NUFIP1: variants seen among roughly 807,000 people sequenced by gnomAD.
NUFIP1 encodes the protein FMR1-interacting protein NUFIP1.
Under a neutral mutation model 56.2 loss-of-function variants are expected in NUFIP1, and 38 were observed. That is an observed-to-expected ratio of 0.68 (90% CI 0.52 to 0.89). The LOEUF is 0.89. Ranked by LOEUF, NUFIP1 falls within the 40% of genes least tolerant of loss-of-function variation. The pLI is 0.00. For synonymous variants in NUFIP1, 215 were observed against 212.4 expected (o/e 1.01, Z -0.10); for missense variants, 567 against 605.8 (o/e 0.94, Z 0.67).
At position 44,985,638 on chromosome 13, in the gene NUFIP1, T is replaced by C. The variant is rs531724838; in HGVS notation, c.412+3387A>G. Among the ~76,000 whole-genome samples, 834 of 152,326 alleles carry C rather than the reference T, an allele frequency of 5.5e-3. 5 individuals are homozygous for C. Among genetic ancestry groups the C allele is most frequent in the Non-Finnish European group, 8.8e-3 (601 of 68,020 alleles). ...TGTGATCAGTGATCTTTGATGCTAC[T>C]ACTGTAATTGTTTTGAGACACCATG... On this transcript the variant is annotated intron_variant, in intron 1 of 9. Coordinates refer to ENST00000379161, the MANE Select transcript of NUFIP1 (RefSeq NM_012345.3).
chr13:44,960,830 A>G (rs1370995775), intron 6 of NUFIP1, among the ~76,000 whole-genome samples: 2 of 152,114 alleles, frequency 1.3e-5, no homozygotes, highest in Non-Finnish European at 2.9e-5. Flanking sequence ...TGGGAGGCCA[A>G]GGTGGGCGGA....
chr13:44,961,972 C>G (rs895495938), intron 6 of NUFIP1, among the ~76,000 whole-genome samples: 1 of 152,078 alleles, frequency 6.6e-6, no homozygotes, highest in Non-Finnish European at 1.5e-5. Context: ...TTCTGTTATA[C>G]CACGACTTGA....
intron 5 of NUFIP1, among the ~76,000 whole-genome samples, chr13:44,971,325 T>A (rs1354846594): frequency 1.3e-5 from 2 of 152,154 alleles, no homozygotes; most frequent in Non-Finnish European, 2.9e-5. Context: ...ACCTCACTTA[T>A]TCCCTCAACA....
intron 5 of NUFIP1, among the ~76,000 whole-genome samples, chr13:44,978,850 T>C (rs763762018): frequency 6.6e-6 from 1 of 152,194 alleles, no homozygotes; most frequent in Non-Finnish European, 1.5e-5. Context: ...TGGGTAGTCA[T>C]GTGCCAGATG....
intron 8 of NUFIP1, among the ~76,000 whole-genome samples, chr13:44,944,660 A>G (rs1237175593): frequency 6.6e-6 from 1 of 152,096 alleles, no homozygotes; most frequent in African/African-American, 2.4e-5. Context: ...GTGTTGGGCC[A>G]TAAAATAAGT....
intron 1 of NUFIP1, among the ~76,000 whole-genome samples, chr13:44,988,068 C>T (rs1872479349): frequency 6.6e-6 from 1 of 152,222 alleles, no homozygotes; most frequent in Admixed American, 6.5e-5. Flanking sequence ...TGATCTCTCA[C>T]CTCCCTAAAG....
At chr13:44,975,289 C>T (rs1345360794) in intron 5 of NUFIP1, among the ~76,000 whole-genome samples, 2 of 152,114 alleles carry the variant, frequency 1.3e-5, no homozygotes. Context: ...GGTCCAAGTC[C>T]CAATGCCTAC....
chr13:44,948,232 T>A (rs1473549457), intron 8 of NUFIP1, among the ~76,000 whole-genome samples: 1 of 146,404 alleles, frequency 6.8e-6, no homozygotes, highest in Admixed American at 7.0e-5. Context: ...AACCTCTGCC[T>A]CTTGGGTTCA....
At chr13:44,954,661 A>G (rs1290182280) in intron 7 of NUFIP1, among the ~76,000 whole-genome samples, 1 of 152,080 alleles carries the variant, frequency 6.6e-6, no homozygotes, top group Admixed American at 6.6e-5. Context: ...GCCTTTATGG[A>G]GCAAAGCACA....
intron 6 of NUFIP1, among the ~76,000 whole-genome samples, chr13:44,964,796 C>A (rs1476040843): frequency 6.6e-6 from 1 of 152,010 alleles, no homozygotes; most frequent in Non-Finnish European, 1.5e-5. Flanking sequence ...CTGTTTGTAC[C>A]TCATATTTCA....
intron 5 of NUFIP1, among the ~76,000 whole-genome samples, chr13:44,969,107 T>G (rs1040665788): frequency 3.3e-5 from 5 of 152,216 alleles, no homozygotes; most frequent in African/African-American, 1.2e-4. Flanking sequence ...ATTAGAGTTT[T>G]AAAAAGTTGT....
rs1484654344 is a variant in NUFIP1 at position 44,949,784 on chromosome 13, G to A, written c.1076C>T (p.Pro359Leu). The change falls in exon 8 of 10, where the codon CCA becomes CTA. Residue 359 changes from proline to leucine, a missense_variant. Coordinates refer to ENST00000379161, the MANE Select transcript of NUFIP1 (RefSeq NM_012345.3). ...QHSVIPKEVT[P>L]ALCSLMSSYG... ...GCTACTCATTAGTGAGCATAGGGCTGGTGTCACTTCCTTGGGTATCACAGA... is the reference window on the plus strand; with the variant it reads ...GCTACTCATTAGTGAGCATAGGGCTAGTGTCACTTCCTTGGGTATCACAGA... The A allele has an allele frequency of 6.2e-7, 1 of 1,614,122 alleles. No individual in the cohort carries two copies. Among genetic ancestry groups the A allele is most frequent in the Admixed American group, 1.7e-5 (1 of 60,026 alleles).
chr13:44,953,180 C>G (rs1871132431), intron 7 of NUFIP1, among the ~76,000 whole-genome samples: 1 of 152,098 alleles, frequency 6.6e-6, no homozygotes, highest in African/African-American at 2.4e-5. Context: ...TTAGCTCACA[C>G]TCCAGGGAAG....
In NUFIP1 at chr13:44,984,413, A is replaced by G. The variant is rs142845877; in HGVS notation, c.413-2259T>C. On this transcript the variant is annotated intron_variant, in intron 1 of 9. Coordinates refer to ENST00000379161, the MANE Select transcript of NUFIP1 (RefSeq NM_012345.3). ...CCCAGTGCTTTGGGAGGCCAAGGCA[A>G]GCAGATCACTTGAGGTCAGGAGCTC... Among the ~76,000 whole-genome samples, 5 of 152,254 alleles carry G rather than the reference A, an allele frequency of 3.3e-5. No homozygotes were observed. The South Asian group carries it at 8.3e-4, about 25-fold the overall frequency.
At chr13:44,941,475 AC>A (rs370580180) in intron 9 of NUFIP1, among the ~76,000 whole-genome samples, 153 bp from the exon 10 acceptor site, 37 of 152,360 alleles carry the variant, frequency 2.4e-4, no homozygotes, top group Admixed American at 9.2e-4. Flanking sequence ...CGATGCAAGA[AC>A]ATGTCCTTTT....
chr13:44,961,341 CA>C (rs1871417353), intron 6 of NUFIP1, among the ~76,000 whole-genome samples: 1 of 152,044 alleles, frequency 6.6e-6, no homozygotes, highest in African/African-American at 2.4e-5. Flanking sequence ...GTCTGCTGTA[CA>C]AATATTTGTA....
At chr13:44,979,659 A>G (rs139296786) in intron 4 of NUFIP1, among the ~76,000 whole-genome samples, 187 of 152,344 alleles carry the variant, frequency 1.2e-3, no homozygotes, top group Middle Eastern at 6.8e-3. Flanking sequence ...CTGAGGTCCA[A>G]GAATCAATTC....
intron 7 of NUFIP1, among the ~76,000 whole-genome samples, chr13:44,957,020 T>C (rs1425041808): frequency 6.6e-6 from 1 of 152,160 alleles, no homozygotes; most frequent in African/African-American, 2.4e-5. Flanking sequence ...TTGGTTATAA[T>C]ACAATATTAT....
intron 5 of NUFIP1, among the ~76,000 whole-genome samples, chr13:44,975,620 C>A (rs1464058825): frequency 6.6e-6 from 1 of 152,192 alleles, no homozygotes; most frequent in Non-Finnish European, 1.5e-5. Flanking sequence ...AACATGCTAA[C>A]CTCTGTCTGA....
Sources: gnomAD v4.1 joint callset for allele counts (sites outside exome capture counted in the v4.1 genomes callset) on GRCh38, gnomAD v4.1.1 for gene constraint, MANE v1.5 for transcripts, NCBI Gene and HGNC (gene_info 2026-07-23, HGNC 2026-07-21) for gene names.